The following RANBP17 variants were observed in gnomAD, a reference collection of about 807,000 sequenced individuals.
RANBP17 encodes ran-binding protein 17.
Under a neutral mutation model 141.2 loss-of-function variants are expected in RANBP17, and 158 were observed. The observed-to-expected ratio is 1.12, with a 90% CI of 0.98 to 1.28. RANBP17 has a LOEUF of 1.28. Among genes scored for constraint, RANBP17 ranks in the 50% most tolerant of loss-of-function variants. RANBP17 has a pLI of 0.00. For synonymous variants in RANBP17, 430 were observed against 450.0 expected (o/e 0.96, Z 0.56); for missense variants, 1,438 against 1,290.7 (o/e 1.11, Z -1.75).
intron 12 of RANBP17, among the ~76,000 whole-genome samples, chr5:170,942,755 A>G (rs1774430363): frequency 6.6e-6 from 1 of 152,192 alleles, no homozygotes; most frequent in South Asian, 2.1e-4. Flanking sequence ...CGTTACATAT[A>G]TGTTTTCATA....
intron 14 of RANBP17, among the ~76,000 whole-genome samples, chr5:170,991,431 A>T (rs1038819223): frequency 6.6e-6 from 1 of 151,992 alleles, no homozygotes; most frequent in Admixed American, 6.6e-5. Flanking sequence ...AAAGGTAGTC[A>T]CCGTATTCGG....
intron 14 of RANBP17, among the ~76,000 whole-genome samples, chr5:171,123,530 CCCACTG>C (rs1235778664): frequency 2.6e-5 from 4 of 152,206 alleles, no homozygotes; most frequent in African/African-American, 9.6e-5. Context: ...AACTGCCCAC[CCCACTG>C]CCACTGCCAC....
intron 14 of RANBP17, among the ~76,000 whole-genome samples, chr5:170,992,396 C>T (rs1162768323): frequency 6.6e-6 from 1 of 151,912 alleles, no homozygotes; most frequent in African/African-American, 2.4e-5. Flanking sequence ...AGTTATGTTG[C>T]CTCTTTTGTC....
chr5:171,256,008 A>C lies in RANBP17; in HGVS notation c.2777-9673A>C, dbSNP rs1198711332. 5.3e-5 allele frequency among the ~76,000 whole-genome samples: 8 copies of C among 152,068 alleles called. No individual in the cohort carries two copies. The South Asian group carries it at 6.2e-4, about 12-fold the overall frequency. On this transcript the variant is annotated intron_variant, in intron 24 of 27. Transcript: ENST00000523189. ...GGAACCAGGAGGCTTGGGAATAGGG[A>C]AAAAAGGAAATGTTGTATTATATGG...
chr5:171,250,345 CAA>C (rs1765477579), intron 24 of RANBP17, among the ~76,000 whole-genome samples: 2 of 152,076 alleles, frequency 1.3e-5, no homozygotes, highest in South Asian at 4.1e-4. Flanking sequence ...AGCAATCACA[CAA>C]AGAGAAGAAA....
At chr5:171,126,251 T>A (rs1338424619) in intron 14 of RANBP17, among the ~76,000 whole-genome samples, 1 of 152,108 alleles carries the variant, frequency 6.6e-6, no homozygotes, top group Non-Finnish European at 1.5e-5. Flanking sequence ...AAGAAGGAAA[T>A]TTTTAAAAAC....
At position 171,012,877 on chromosome 5, in the gene RANBP17, A is replaced by ATAGT. The variant is rs1780158884; in HGVS notation, c.1710+44503_1710+44506dup. On this transcript the variant is annotated intron_variant, in intron 14 of 27. Transcript: ENST00000523189. Reference sequence around the variant, plus strand: ...CTTGCAGATACGATCAAATCACAGAATAGTTACATTTTAATTCCTTCTATC... The same window carrying ATAGT: ...CTTGCAGATACGATCAAATCACAGAATAGTTAGTTACATTTTAATTCCTTCTATC... Among the ~76,000 whole-genome samples the ATAGT allele has an allele frequency of 2.6e-5, 4 of 152,316 alleles. No homozygotes were observed. The South Asian group carries it at 8.3e-4, about 32-fold the overall frequency.
chr5:171,124,914 T>C (rs1025672571), intron 14 of RANBP17, among the ~76,000 whole-genome samples: 1 of 152,180 alleles, frequency 6.6e-6, no homozygotes, highest in African/African-American at 2.4e-5. Context: ...TTAAAAGATA[T>C]AGATTGGCTG....
intron 14 of RANBP17, among the ~76,000 whole-genome samples, chr5:171,159,934 A>G (rs550857023): frequency 3.4e-4 from 51 of 150,438 alleles, no homozygotes; most frequent in East Asian, 1.6e-3. Flanking sequence ...AAAAAAAAAA[A>G]AAAAAAAGAA....
intron 11 of RANBP17, among the ~76,000 whole-genome samples, chr5:170,923,741 G>A (rs1772671085): frequency 6.6e-6 from 1 of 151,974 alleles, no homozygotes; most frequent in Admixed American, 6.5e-5. Context: ...GATATTTTAT[G>A]TTTCCTACTG....
intron 14 of RANBP17, among the ~76,000 whole-genome samples, chr5:171,093,565 T>G (rs1315240509): frequency 1.3e-5 from 2 of 152,226 alleles, no homozygotes; most frequent in African/African-American, 4.8e-5. Context: ...TGTTATATTT[T>G]CAGAGACAAA....
chr5:171,156,123 C>T (rs981524588), intron 14 of RANBP17, among the ~76,000 whole-genome samples: 1 of 152,000 alleles, frequency 6.6e-6, no homozygotes, highest in Non-Finnish European at 1.5e-5. Flanking sequence ...AGATTATAAG[C>T]GGATGTTCCT....
intron 3 of RANBP17, among the ~76,000 whole-genome samples, chr5:170,891,512 A>T (rs1769600242): frequency 6.6e-6 from 1 of 152,208 alleles, no homozygotes; most frequent in African/African-American, 2.4e-5. Flanking sequence ...ATAAAGAAAT[A>T]TCTGAGACTG....
chr5:171,000,340 C>T (rs1779115223), intron 14 of RANBP17, among the ~76,000 whole-genome samples: 1 of 152,100 alleles, frequency 6.6e-6, no homozygotes, highest in Non-Finnish European at 1.5e-5. Context: ...TTAATATTTC[C>T]ACCAGCATTG....
intron 14 of RANBP17, among the ~76,000 whole-genome samples, chr5:171,125,793 T>A (rs764139755): frequency 4.6e-4 from 63 of 138,450 alleles, no homozygotes; most frequent in Admixed American, 1.6e-3. Context: ...TCTCAGTAAA[T>A]TTTTTTTTTT....
At chr5:171,237,075 A>T (rs578180197) in intron 22 of RANBP17, among the ~76,000 whole-genome samples, 84 of 152,212 alleles carry the variant, frequency 5.5e-4, no homozygotes, top group Middle Eastern at 3.4e-3. Flanking sequence ...AAATAATTTT[A>T]AAAAAATACA....
chr5:170,989,823 A>G (rs1202885937), intron 14 of RANBP17, among the ~76,000 whole-genome samples: 1 of 151,782 alleles, frequency 6.6e-6, no homozygotes, highest in Non-Finnish European at 1.5e-5. Flanking sequence ...TATGACTGTT[A>G]AGCCAGAATT....
At chr5:170,915,219 A>G (rs1333438973) in intron 8 of RANBP17, among the ~76,000 whole-genome samples, 2 of 152,190 alleles carry the variant, frequency 1.3e-5, no homozygotes, top group African/African-American at 4.8e-5. Context: ...AATAAAGTAG[A>G]AAACAACTGC....
intron 1 of RANBP17, among the ~76,000 whole-genome samples, chr5:170,870,786 G>A (rs1312035607): frequency 1.3e-5 from 2 of 152,138 alleles, no homozygotes; most frequent in Non-Finnish European, 2.9e-5. Context: ...GGTCCTTGAG[G>A]AATCACCACA....
Sources: allele counts gnomAD v4.1 joint callset (sites outside exome capture counted in the v4.1 genomes callset), GRCh38; gene constraint gnomAD v4.1.1; transcripts MANE v1.5; gene names NCBI Gene and HGNC (gene_info 2026-07-23, HGNC 2026-07-21).